KIAA0825: variants seen among roughly 807,000 people sequenced by gnomAD.
KIAA0825 encodes the protein KIAA0825.
A neutral mutation model predicts 147.6 loss-of-function variants in KIAA0825; 119 were observed. That is an observed-to-expected ratio of 0.81 (90% confidence interval 0.69 to 0.94). The LOEUF is 0.94. KIAA0825 is among the 40% of genes least tolerant of loss of function. KIAA0825 has a pLI of 0.00. For missense variants in KIAA0825, 1,381 were observed against 1,472.7 expected (o/e 0.94, Z 1.02); for synonymous variants, 470 against 518.1 (o/e 0.91, Z 1.26).
intron 15 of KIAA0825, among the ~76,000 whole-genome samples, chr5:94,405,065 G>A (rs553228885): frequency 7.9e-5 from 12 of 152,278 alleles, no homozygotes; most frequent in Middle Eastern, 3.4e-3. Flanking sequence ...ACAGTAATCA[G>A]GAGGCCTTAG....
At chr5:94,511,288 G>C (rs1357215716) in intron 5 of KIAA0825, among the ~76,000 whole-genome samples, 1 of 152,156 alleles carries the variant, frequency 6.6e-6, no homozygotes, top group Non-Finnish European at 1.5e-5. Flanking sequence ...TGTTATAGCA[G>C]CCTGAATGGA....
At chr5:94,351,524 C>A (rs1318282179) in intron 20 of KIAA0825, among the ~76,000 whole-genome samples, 1 of 152,162 alleles carries the variant, frequency 6.6e-6, no homozygotes. Flanking sequence ...CAAAAGAAAT[C>A]TCCAAATTCA....
chr5:94,236,814 C>T (rs1775067257), intron 20 of KIAA0825, among the ~76,000 whole-genome samples: 1 of 152,172 alleles, frequency 6.6e-6, no homozygotes, highest in Non-Finnish European at 1.5e-5. Context: ...GCTGAAGGCC[C>T]AGATGCTCCT....
At chr5:94,554,740 A>G (rs1231933894) in intron 2 of KIAA0825, among the ~76,000 whole-genome samples, 3 of 134,580 alleles carry the variant, frequency 2.2e-5, no homozygotes, top group Non-Finnish European at 4.7e-5. Flanking sequence ...ATATATATAT[A>G]TATATATATA....
At chr5:94,548,651 G>A (rs1443786724) in intron 2 of KIAA0825, among the ~76,000 whole-genome samples, 2 of 152,058 alleles carry the variant, frequency 1.3e-5, no homozygotes, top group Non-Finnish European at 2.9e-5. Context: ...AAGACCCAGT[G>A]GTGTCCTGCC....
intron 5 of KIAA0825, among the ~76,000 whole-genome samples, chr5:94,505,617 A>C (rs898232092): frequency 6.6e-6 from 1 of 152,206 alleles, no homozygotes; most frequent in African/African-American, 2.4e-5. Context: ...TACAATTTGT[A>C]TAAAGATGTC....
At chr5:94,538,592 T>G (rs1468149693) in intron 2 of KIAA0825, among the ~76,000 whole-genome samples, 2 of 152,202 alleles carry the variant, frequency 1.3e-5, no homozygotes, top group Admixed American at 1.3e-4. Flanking sequence ...CCACTACCAT[T>G]CATTTGGTTA....
chr5:94,446,205 A>G (rs552746589), intron 13 of KIAA0825, among the ~76,000 whole-genome samples: 6 of 152,260 alleles, frequency 3.9e-5, no homozygotes, highest in Admixed American at 3.9e-4. Context: ...GAATTTTTTT[A>G]TTCATTCATT....
intron 20 of KIAA0825, among the ~76,000 whole-genome samples, chr5:94,228,520 C>G (rs1459201176): frequency 6.6e-6 from 1 of 152,174 alleles, no homozygotes; most frequent in African/African-American, 2.4e-5. Context: ...GGTCTTAGCT[C>G]CATGGTCATG....
At position 94,396,504 on chromosome 5, in the gene KIAA0825, T is replaced by C. The variant is rs933870916; in HGVS notation, c.2893A>G (p.Thr965Ala). 2 of 1,479,016 alleles carry C rather than the reference T, an allele frequency of 1.4e-6. No homozygotes were observed. The highest frequency in any genetic ancestry group is 2.8e-5 in the African/African-American group (2 of 70,238). 91.6% of individuals were successfully genotyped at this position (1,479,016 alleles called of 1,614,324 possible). A position where few individuals can be genotyped will look rare whatever the true frequency, so the allele number is the denominator to read the frequency against. The stretch of plus-strand genomic sequence containing the variant: ...GATACTGCCTGAGCAGTAAGCCTTG[T>C]GAAGCCTGGGGAAGAAAAGAAAAGG... ...TNRKESCKSF[T>A]RLTAQAVSIV... The change falls in exon 17 of 21, where the codon ACA becomes GCA. Residue 965 changes from threonine to alanine, a missense_variant. Coordinates refer to ENST00000682413, the MANE Select transcript of KIAA0825 (RefSeq NM_001145678.3).
chr5:94,496,815 G>A (rs1764422098), intron 5 of KIAA0825, among the ~76,000 whole-genome samples: 1 of 152,144 alleles, frequency 6.6e-6, no homozygotes, highest in African/African-American at 2.4e-5. Context: ...TTGCCAGGTG[G>A]AGGTTGTTAG....
intron 20 of KIAA0825, among the ~76,000 whole-genome samples, chr5:94,227,115 C>T (rs1774248917): frequency 6.6e-6 from 1 of 152,178 alleles, no homozygotes; most frequent in Non-Finnish European, 1.5e-5. Context: ...TATTGCTGCA[C>T]TATTCACAAT....
chr5:94,530,918 A>C (rs1469584632), intron 3 of KIAA0825, among the ~76,000 whole-genome samples: 1 of 152,170 alleles, frequency 6.6e-6, no homozygotes, highest in Non-Finnish European at 1.5e-5. Flanking sequence ...CTCTTTATGA[A>C]GTCTGGATTT....
chr5:94,417,726 T>C (rs1002959881), intron 14 of KIAA0825, among the ~76,000 whole-genome samples: 3 of 152,150 alleles, frequency 2.0e-5, no homozygotes, highest in Non-Finnish European at 2.9e-5. Flanking sequence ...ATAATAGACA[T>C]TCATTCTAAA....
intron 2 of KIAA0825, among the ~76,000 whole-genome samples, chr5:94,575,658 C>A (rs919276915): frequency 6.6e-6 from 1 of 152,152 alleles, no homozygotes; most frequent in Non-Finnish European, 1.5e-5. Context: ...GGAAGAAGAC[C>A]AATTATGACA....
At chr5:94,459,359 T>G (rs1393982786) in intron 12 of KIAA0825, among the ~76,000 whole-genome samples, 1 of 152,166 alleles carries the variant, frequency 6.6e-6, no homozygotes, top group Non-Finnish European at 1.5e-5. Context: ...CTGGGCCATA[T>G]GACCATATGC....
At chr5:94,252,296 A>G (rs1016856468) in intron 20 of KIAA0825, among the ~76,000 whole-genome samples, 7 of 152,000 alleles carry the variant, frequency 4.6e-5, no homozygotes, top group Non-Finnish European at 1.0e-4. Flanking sequence ...GAAGTCTTCT[A>G]AATATGGAAA....
intron 2 of KIAA0825, among the ~76,000 whole-genome samples, chr5:94,554,124 C>T (rs2152268969): frequency 6.6e-6 from 1 of 152,312 alleles, no homozygotes. Flanking sequence ...GAGAGATCCC[C>T]TGTATAATCC....
At chr5:94,277,509 C>T (rs1777274346) in intron 20 of KIAA0825, among the ~76,000 whole-genome samples, 1 of 152,134 alleles carries the variant, frequency 6.6e-6, no homozygotes, top group Non-Finnish European at 1.5e-5. Flanking sequence ...TGAAAAAAAG[C>T]TCATCATCAC....
Sources: gnomAD v4.1 joint callset for allele counts (sites outside exome capture counted in the v4.1 genomes callset) on GRCh38, gnomAD v4.1.1 for gene constraint, MANE v1.5 for transcripts, NCBI Gene and HGNC (gene_info 2026-07-23, HGNC 2026-07-21) for gene names.